The following MYL5 variants were observed in gnomAD, a reference collection of about 807,000 sequenced individuals.
MYL5 encodes myosin regulatory light chain 5.
A neutral mutation model predicts 20.8 loss-of-function variants in MYL5; 28 were observed. The ratio of observed to expected loss-of-function variants is 1.35; its 90% CI spans 1.00 to 1.84. The LOEUF (loss-of-function observed/expected upper bound fraction) is 1.84. Among genes scored for constraint, MYL5 ranks in the 40% most tolerant of loss-of-function variants. The pLI, the probability that MYL5 is intolerant of heterozygous loss-of-function variation, is 0.00. For missense variants in MYL5, 274 were observed against 227.3 expected (o/e 1.21, Z -1.32); for synonymous variants, 118 against 87.4 (o/e 1.35, Z -1.95).
chr4:680,039 C>G (rs1739289730), intron 4 of MYL5, 21 bp downstream of exon 6: 1 of 1,560,816 alleles, frequency 6.4e-7, no homozygotes, highest in African/African-American at 1.4e-5. Context: ...GTGGGGCAGG[C>G]CTGGCCCTCC....
chr4:678,213 G>T, intron 1 of MYL5, 184 bp downstream of exon 3: 1 of 1,506,460 alleles, frequency 6.6e-7, no homozygotes, highest in Admixed American at 2.0e-5. Flanking sequence ...TGACCTTGCG[G>T]GTGTGGGCTG....
At chr4:677,562 C>T (rs1738972658), upstream of MYL5, among the ~76,000 whole-genome samples, 1 of 152,216 alleles carries the variant, frequency 6.6e-6, no homozygotes, top group Non-Finnish European at 1.5e-5. Flanking sequence ...GGCGTGGACA[C>T]CCCTGACAGA....
chr4:677,724 C>A (rs1421647854), upstream of MYL5, among the ~76,000 whole-genome samples: 1 of 152,312 alleles, frequency 6.6e-6, no homozygotes, highest in Non-Finnish European at 1.5e-5. Flanking sequence ...CCTGCTGACA[C>A]ACAGAATCCT....
intron 5 of MYL5, chr4:680,821 C>T (rs1739396517): frequency 1.6e-6 from 1 of 630,654 alleles, no homozygotes; most frequent in Admixed American, 2.9e-5. Flanking sequence ...TCAGCCCACT[C>T]CTCCATCTTC....
chr4:678,625 C>T (rs920278530), intron 1 of MYL5, 33 bp from the exon 4 acceptor site: 1 of 1,582,164 alleles, frequency 6.3e-7, no homozygotes, highest in Non-Finnish European at 8.6e-7. Context: ...GTCAGCCAGC[C>T]CAGGACCCTC....
At position 678,220 on chromosome 4, in the gene MYL5, G is replaced by A. The variant is rs1413542728; in HGVS notation, c.3+191G>A. The A allele has an allele frequency of 2.0e-6, 3 of 1,500,952 alleles. No individual in the cohort carries two copies. The South Asian group carries it at 3.9e-5, about 20-fold the overall frequency. The allele number at this position is 1,500,952 out of a possible 1,614,324, so 93.0% of individuals were successfully genotyped here. On this transcript the variant is annotated intron_variant, in intron 1 of 6. Coordinates refer to ENST00000400159, the Ensembl canonical transcript of MYL5. Reference sequence around the variant, plus strand: ...CGTGTGTGTGACCTTGCGGGTGTGGGCTGTGCTGTGTTGTGGGAAGTACGT... The same window carrying A: ...CGTGTGTGTGACCTTGCGGGTGTGGACTGTGCTGTGTTGTGGGAAGTACGT...
At position 679,909 on chromosome 4, in the gene MYL5, A is replaced by C. The variant is rs1303326144; in HGVS notation, c.188-5A>C. 6.2e-7 allele frequency: 1 copy of C among 1,613,466 alleles called. No individual in the cohort carries two copies. Among genetic ancestry groups the C allele is most frequent in the African/African-American group, 1.3e-5 (1 of 75,046 alleles). ...TGCCCTGTGATGCCCCCATGTCTGT[A>C]ACAGGCAAGACCAACGTCAAGGACG... is the stretch of plus-strand genomic sequence containing the variant. On this transcript the variant is annotated splice_region_variant and splice_polypyrimidine_tract_variant and intron_variant, in intron 3 of 6. Transcript: ENST00000400159.
At chr4:681,827 G>C in intron 6 of MYL5, 66 bp from the exon 9 acceptor site, 1 of 1,273,920 alleles carries the variant, frequency 7.8e-7, no homozygotes, top group South Asian at 3.6e-5. Flanking sequence ...ACCCGGGGCC[G>C]CTGCAGGTGC....
intron 5 of MYL5, 57 bp from the exon 8 acceptor site, chr4:681,035 C>G: frequency 7.7e-6 from 12 of 1,553,142 alleles, no homozygotes; most frequent in Non-Finnish European, 1.0e-5. Flanking sequence ...TGAGCCCCAC[C>G]GAGAAGGCTC....
chr4:679,199 C>A (rs1311576504), intron 3 of MYL5, 166 bp downstream of exon 5: 3 of 752,614 alleles, frequency 4.0e-6, no homozygotes, highest in Non-Finnish European at 7.0e-6. Context: ...GCCCTTGGTT[C>A]CATCAGAGCT....
At chr4:680,098 C>A in intron 4 of MYL5, 80 bp downstream of exon 6, 1 of 1,337,686 alleles carries the variant, frequency 7.5e-7, no homozygotes, top group Admixed American at 2.2e-5. Context: ...GTAAAAATCT[C>A]TCTTTTCCAA....
intron 2 of MYL5, 62 bp from the exon 5 acceptor site, chr4:678,896 G>A: frequency 6.2e-7 from 1 of 1,608,822 alleles, no homozygotes; most frequent in Non-Finnish European, 8.5e-7. Context: ...GGAACCGGGA[G>A]CAGGGGGCGG....
chr4:677,824 G>A, upstream of MYL5: 2 of 785,186 alleles, frequency 2.5e-6, no homozygotes, highest in Non-Finnish European at 4.3e-6. Context: ...GGGCCTTGCG[G>A]GGTGAGGCAG....
chr4:680,970 A>C, intron 5 of MYL5, 122 bp from the exon 8 acceptor site: 1 of 1,133,912 alleles, frequency 8.8e-7, no homozygotes, highest in African/African-American at 1.5e-5. Flanking sequence ...GCCACACTCC[A>C]GCGGGAAGGG....
exon 4 of MYL5, chr4:679,971 C>T: frequency 6.2e-7 from 1 of 1,613,638 alleles, no homozygotes. Flanking sequence ...GCCTCGGGGC[C>T]CATCAACTTC....
intron 1 of MYL5, 191 bp from the exon 4 acceptor site, chr4:678,467 C>A: frequency 7.0e-7 from 1 of 1,432,400 alleles, no homozygotes; most frequent in East Asian, 2.5e-5. Context: ...AAGCCAGACA[C>A]CTGCAGCCGT....
chr4:677,195 C>T (rs1475738902), upstream of MYL5, among the ~76,000 whole-genome samples: 1 of 152,214 alleles, frequency 6.6e-6, no homozygotes, highest in Non-Finnish European at 1.5e-5. Flanking sequence ...TCCACTCAGC[C>T]TGTAGGCCTC....
intron 6 of MYL5, chr4:681,689 C>A: frequency 2.1e-5 from 1 of 47,424 alleles, no homozygotes; most frequent in Non-Finnish European, 4.3e-5. Context: ...CGCCCCGCCC[C>A]CTCCAGCGCC....
At chr4:681,821 G>A (rs1236012863) in intron 6 of MYL5, 72 bp from the exon 9 acceptor site, 6 of 1,258,348 alleles carry the variant, frequency 4.8e-6, no homozygotes, top group Middle Eastern at 3.0e-4. Flanking sequence ...AACCACACCC[G>A]GGGCCGCTGC....
Sources: allele counts gnomAD v4.1 joint callset (sites outside exome capture counted in the v4.1 genomes callset), GRCh38; gene constraint gnomAD v4.1.1; transcripts MANE v1.5; gene names NCBI Gene and HGNC (gene_info 2026-07-23, HGNC 2026-07-21).